The following UTS2B variants were observed in gnomAD, a reference collection of about 807,000 sequenced individuals.
UTS2B encodes the protein urotensin 2B.
UTS2B carries 21 observed loss-of-function variants against 19.2 expected under a neutral mutation model. That is an observed-to-expected ratio of 1.09 (90% CI 0.78 to 1.58). UTS2B has a LOEUF of 1.58. Ranked by LOEUF, UTS2B falls within the 40% of genes most tolerant of loss-of-function variation. The pLI is 0.00. For synonymous variants in UTS2B, 57 were observed against 50.2 expected (o/e 1.14, Z -0.58); for missense variants, 138 against 130.3 (o/e 1.06, Z -0.29).
intron 8 of UTS2B, among the ~76,000 whole-genome samples, chr3:191,272,590 G>A (rs1218142615): frequency 6.6e-6 from 1 of 152,184 alleles, no homozygotes; most frequent in Non-Finnish European, 1.5e-5. Context: ...GCTGGGCATG[G>A]TGGCTCATGC....
intron 8 of UTS2B, chr3:191,273,462 C>G: frequency 2.2e-6 from 1 of 456,662 alleles, no homozygotes; most frequent in South Asian, 1.5e-5. Flanking sequence ...ATGTGTGTCC[C>G]TTCCGAACTG....
At position 191,287,768 on chromosome 3, in the gene UTS2B, A is replaced by G. The variant is rs1347485720; in HGVS notation, c.-124-5455T>C. Among the ~76,000 whole-genome samples the G allele has an allele frequency of 2.6e-5, 4 of 152,098 alleles. No homozygotes were observed. In the East Asian group the frequency reaches 5.8e-4, roughly 22 times the overall value. ...AAGTCCTAGCCAAAACAATCAGAAA[A>G]AAAGAAAGAAAGAAAAGGTATCCAG... is the stretch of plus-strand genomic sequence containing the variant. On this transcript the variant is annotated intron_variant, in intron 4 of 8. Transcript: ENST00000340524.
At chr3:191,317,461 C>CA (rs1179130185) in intron 2 of UTS2B, among the ~76,000 whole-genome samples, 2 of 138,408 alleles carry the variant, frequency 1.4e-5, no homozygotes, top group African/African-American at 5.6e-5. Flanking sequence ...AGTGCAGCTG[C>CA]GGGCGAAGGG....
chr3:191,306,943 T>C (rs558218867), intron 3 of UTS2B, among the ~76,000 whole-genome samples: 2 of 152,142 alleles, frequency 1.3e-5, no homozygotes, highest in Non-Finnish European at 2.9e-5. Context: ...GGAGGGGAAA[T>C]TTTAATGTTT....
intron 1 of UTS2B, chr3:191,329,631 C>G: frequency 6.3e-7 from 1 of 1,588,078 alleles, no homozygotes. Context: ...CCGGCGGTGA[C>G]CGGGAAGCCC....
intron 4 of UTS2B, among the ~76,000 whole-genome samples, chr3:191,296,327 T>C (rs1299409372): frequency 3.3e-5 from 5 of 152,222 alleles, no homozygotes; most frequent in African/African-American, 1.2e-4. Context: ...AAGTTGTGGC[T>C]TCTTCAACAA....
intron 2 of UTS2B, among the ~76,000 whole-genome samples, chr3:191,322,955 A>G (rs949125612): frequency 1.3e-5 from 2 of 152,158 alleles, no homozygotes; most frequent in Non-Finnish European, 2.9e-5. Flanking sequence ...ATTGGAACAG[A>G]AGAAAGCCCC....
At chr3:191,315,508 T>G (rs1717424384) in intron 3 of UTS2B, among the ~76,000 whole-genome samples, 1 of 152,184 alleles carries the variant, frequency 6.6e-6, no homozygotes, top group African/African-American at 2.4e-5. Context: ...TGGATTGGAG[T>G]TCACCCAGCT....
At chr3:191,344,321 A>G in the UTS2B span, among the ~76,000 whole-genome samples, 1 of 152,190 alleles carries the variant, frequency 6.6e-6, no homozygotes. Flanking sequence ...GATGATGCAA[A>G]CGTTCTGTAT....
At chr3:191,276,622 T>G (rs192528319) in intron 7 of UTS2B, among the ~76,000 whole-genome samples, 185 bp downstream of exon 7, 5 of 152,344 alleles carry the variant, frequency 3.3e-5, no homozygotes, top group African/African-American at 1.2e-4. Context: ...GCCATAGTTT[T>G]GTTTTGTTTT....
At chr3:191,321,919 C>T (rs1014713520) in intron 2 of UTS2B, among the ~76,000 whole-genome samples, 3 of 151,990 alleles carry the variant, frequency 2.0e-5, no homozygotes, top group African/African-American at 4.8e-5. Flanking sequence ...CCCAGCTATT[C>T]GGGAGGCTGA....
At chr3:191,298,232 C>CA (rs141361481) in intron 4 of UTS2B, among the ~76,000 whole-genome samples, 32,248 of 151,580 alleles carry the variant, frequency 0.21, 3,619 homozygotes, top group Non-Finnish European at 0.24. Flanking sequence ...CATTGAATTC[C>CA]AAAAAAAACA....
At chr3:191,338,204 A>G in the UTS2B span, among the ~76,000 whole-genome samples, 6 of 152,320 alleles carry the variant, frequency 3.9e-5, no homozygotes, top group East Asian at 9.6e-4. Flanking sequence ...ACTATGGAGG[A>G]GTCCATGATT....
the UTS2B span, among the ~76,000 whole-genome samples, chr3:191,345,036 C>T: frequency 9.9e-5 from 15 of 152,110 alleles, no homozygotes; most frequent in African/African-American, 3.4e-4. Context: ...AGACAGAGCC[C>T]AGGAATCAAT....
intron 3 of UTS2B, among the ~76,000 whole-genome samples, chr3:191,310,572 C>G (rs1004292900): frequency 6.6e-6 from 1 of 152,148 alleles, no homozygotes; most frequent in Non-Finnish European, 1.5e-5. Context: ...CTGGCCATTG[C>G]TATTTCTGTG....
At chr3:191,290,693 C>G (rs1692542979) in intron 4 of UTS2B, among the ~76,000 whole-genome samples, 1 of 152,182 alleles carries the variant, frequency 6.6e-6, no homozygotes, top group South Asian at 2.1e-4. Context: ...ATAACTCAGT[C>G]TATGTATCAA....
chr3:191,315,514 C>T (rs1207337746), intron 3 of UTS2B, among the ~76,000 whole-genome samples: 2 of 152,192 alleles, frequency 1.3e-5, no homozygotes, highest in African/African-American at 4.8e-5. Context: ...GGAGTTCACC[C>T]AGCTGGTGTC....
intron 2 of UTS2B, among the ~76,000 whole-genome samples, chr3:191,316,895 C>G (rs767354961): frequency 2.6e-5 from 4 of 152,272 alleles, no homozygotes; most frequent in Non-Finnish European, 5.9e-5. Context: ...AATCCTCCAG[C>G]TAGACATAAA....
chr3:191,303,879 A>G (rs1304335694), intron 4 of UTS2B, among the ~76,000 whole-genome samples: 1 of 144,574 alleles, frequency 6.9e-6, no homozygotes, highest in East Asian at 2.0e-4. Context: ...GTCAGAGAAC[A>G]GGATGAGGCA....
Sources: gnomAD v4.1 joint callset for allele counts (sites outside exome capture counted in the v4.1 genomes callset) on GRCh38, gnomAD v4.1.1 for gene constraint, MANE v1.5 for transcripts, NCBI Gene and HGNC (gene_info 2026-07-23, HGNC 2026-07-21) for gene names.